Variants in STXBP5L observed in about 807,000 individuals in gnomAD.
The protein encoded by STXBP5L is syntaxin-binding protein 5-like.
STXBP5L carries 65 observed loss-of-function variants against 144.5 expected under a neutral mutation model. The observed-to-expected ratio is 0.45, with a 90% CI of 0.37 to 0.55. The LOEUF (loss-of-function observed/expected upper bound fraction) is 0.55. STXBP5L is among the 20% of genes least tolerant of loss of function. The pLI is 0.00. For missense variants in STXBP5L, 1,298 were observed against 1,405.5 expected (o/e 0.92, Z 1.22); for synonymous variants, 505 against 469.6 (o/e 1.08, Z -0.97).
chr3:121,048,102 A>T lies in STXBP5L; in HGVS notation c.470+2567A>T, dbSNP rs574284223. Among the ~76,000 whole-genome samples, 10 of 152,270 alleles carry T rather than the reference A, an allele frequency of 6.6e-5. No homozygotes were observed. In the East Asian group the frequency reaches 1.5e-3, roughly 24 times the overall value. On this transcript the variant is annotated intron_variant, in intron 5 of 26. Coordinates refer to ENST00000471454, the MANE Select transcript of STXBP5L (RefSeq NM_001308330.2). ...AAAGAATCTAATTTCTCCTAGGTTT[A>T]TGAAGCTTAGTTTGGCTGGATATGA... is the stretch of plus-strand genomic sequence containing the variant.
chr3:121,190,905 T>G, intron 9 of STXBP5L, among the ~76,000 whole-genome samples: 6 of 139,218 alleles, frequency 4.3e-5, no homozygotes, highest in African/African-American at 1.1e-4. Flanking sequence ...CCAGACGGGG[T>G]CACGGCCGGG....
At chr3:121,323,415 C>T (rs925588297) in intron 20 of STXBP5L, among the ~76,000 whole-genome samples, 6 of 152,078 alleles carry the variant, frequency 3.9e-5, no homozygotes, top group African/African-American at 1.4e-4. Context: ...CTCAAACTTC[C>T]TTATACCACA....
chr3:121,236,413 G>T (rs1016483042), intron 12 of STXBP5L, among the ~76,000 whole-genome samples: 2 of 152,182 alleles, frequency 1.3e-5, no homozygotes, highest in Non-Finnish European at 2.9e-5. Context: ...AAAGTCCAAG[G>T]TTGAGTGTCT....
chr3:121,005,007 A>G (rs1226480549), intron 3 of STXBP5L, among the ~76,000 whole-genome samples: 1 of 152,064 alleles, frequency 6.6e-6, no homozygotes, highest in African/African-American at 2.4e-5. Flanking sequence ...TTGGTCTAAA[A>G]TTCTCTTTTT....
intron 25 of STXBP5L, among the ~76,000 whole-genome samples, chr3:121,417,543 G>A (rs2047267299): frequency 1.3e-5 from 2 of 152,088 alleles, no homozygotes; most frequent in Non-Finnish European, 2.9e-5. Context: ...ATAGCCCACT[G>A]CAACCTTCAC....
intron 2 of STXBP5L, among the ~76,000 whole-genome samples, chr3:120,943,811 TTTC>T (rs916990315): frequency 1.4e-4 from 21 of 151,464 alleles, no homozygotes; most frequent in East Asian, 5.8e-4. Flanking sequence ...AAACAACTGT[TTTC>T]TTCTTCTTCT....
At chr3:121,035,985 G>C (rs1012938069) in intron 3 of STXBP5L, among the ~76,000 whole-genome samples, 7 of 152,014 alleles carry the variant, frequency 4.6e-5, no homozygotes, top group African/African-American at 1.7e-4. Flanking sequence ...TGTTTTAAAT[G>C]AATTTTTCTT....
intron 3 of STXBP5L, among the ~76,000 whole-genome samples, chr3:121,038,755 A>G (rs7636463): frequency 0.099 from 15,048 of 151,708 alleles, 1,178 homozygotes; most frequent in Admixed American, 0.2. Flanking sequence ...ATTTTGTATT[A>G]TGTATTTTAA....
chr3:121,119,752 A>G (rs186732303), intron 6 of STXBP5L, among the ~76,000 whole-genome samples: 1 of 151,422 alleles, frequency 6.6e-6, no homozygotes, highest in African/African-American at 2.4e-5. Context: ...CAAAATGTTA[A>G]TAGGCATTAT....
intron 5 of STXBP5L, among the ~76,000 whole-genome samples, chr3:121,109,625 G>T (rs142289157): frequency 2.0e-5 from 3 of 152,266 alleles, no homozygotes; most frequent in Non-Finnish European, 4.4e-5. Context: ...GCTGAGGAAC[G>T]TTTTACTTCC....
intron 20 of STXBP5L, among the ~76,000 whole-genome samples, chr3:121,321,323 C>T (rs960637230): frequency 1.8e-4 from 27 of 151,952 alleles, no homozygotes; most frequent in Middle Eastern, 3.4e-3. Flanking sequence ...GGGAAAAGTG[C>T]GAATGGAGTT....
At chr3:120,974,473 A>T (rs9880221) in intron 3 of STXBP5L, among the ~76,000 whole-genome samples, 3,568 of 134,000 alleles carry the variant, frequency 0.027, 93 homozygotes, top group Admixed American at 0.062. Flanking sequence ...TTGCAAAAAT[A>T]TTCTCCCATG....
At chr3:121,414,364 G>A (rs575482240) in intron 24 of STXBP5L, among the ~76,000 whole-genome samples, 17 of 152,188 alleles carry the variant, frequency 1.1e-4, no homozygotes, top group South Asian at 2.1e-4. Context: ...GGTTTAACCC[G>A]TTGACTCTCT....
At chr3:121,368,496 TA>T (rs2045931900) in intron 20 of STXBP5L, among the ~76,000 whole-genome samples, 2 of 152,080 alleles carry the variant, frequency 1.3e-5, no homozygotes, top group South Asian at 4.1e-4. Flanking sequence ...TTTCTGTTGC[TA>T]TTTTTTTCTT....
intron 6 of STXBP5L, among the ~76,000 whole-genome samples, chr3:121,117,748 G>C (rs886260012): frequency 6.6e-6 from 1 of 151,142 alleles, no homozygotes; most frequent in African/African-American, 2.4e-5. Context: ...TCTATTTTTA[G>C]TGAATTATTC....
At chr3:121,228,843 C>T (rs914894831) in intron 11 of STXBP5L, among the ~76,000 whole-genome samples, 19 of 152,188 alleles carry the variant, frequency 1.2e-4, no homozygotes, top group Admixed American at 1.0e-3. Context: ...TGCCACTGCA[C>T]TCCAACCTGG....
intron 9 of STXBP5L, among the ~76,000 whole-genome samples, chr3:121,193,854 A>G (rs2047808208): frequency 6.6e-6 from 1 of 151,998 alleles, no homozygotes; most frequent in African/African-American, 2.4e-5. Flanking sequence ...GGATAGCATT[A>G]GGAGAATACC....
intron 18 of STXBP5L, among the ~76,000 whole-genome samples, chr3:121,278,905 G>A (rs1338922513): frequency 6.6e-6 from 1 of 151,582 alleles, no homozygotes; most frequent in Non-Finnish European, 1.5e-5. Context: ...AGTATGGGTA[G>A]AAGTGTTGTT....
chr3:121,149,724 G>A (rs968778336), intron 7 of STXBP5L, among the ~76,000 whole-genome samples: 5 of 151,658 alleles, frequency 3.3e-5, no homozygotes, highest in Non-Finnish European at 7.4e-5. Context: ...AAAATAACTA[G>A]GTATAAAATT....
Sources: gnomAD v4.1 joint callset for allele counts (sites outside exome capture counted in the v4.1 genomes callset) on GRCh38, gnomAD v4.1.1 for gene constraint, MANE v1.5 for transcripts, NCBI Gene and HGNC (gene_info 2026-07-23, HGNC 2026-07-21) for gene names.